DNAJC13: variants seen among roughly 807,000 people sequenced by gnomAD.
DNAJC13 encodes DnaJ heat shock protein family (Hsp40) member C13, also known as dnaJ homolog subfamily C member 13.
DNAJC13 carries 75 observed loss-of-function variants against 290.5 expected under a neutral mutation model. The observed-to-expected ratio is 0.26, with a 90% confidence interval of 0.21 to 0.31. DNAJC13 has a LOEUF of 0.31. DNAJC13 is among the 10% of genes least tolerant of loss of function. The pLI is 1.00. For missense variants in DNAJC13, 2,260 were observed against 2,674.5 expected (o/e 0.85, Z 3.42); for synonymous variants, 862 against 892.0 (o/e 0.97, Z 0.60).
intron 39 of DNAJC13, 90 bp downstream of exon 39, chr3:132,501,003 T>C: frequency 1.4e-6 from 2 of 1,438,666 alleles, no homozygotes; most frequent in South Asian, 2.7e-5. Flanking sequence ...CACATTGTTT[T>C]CCCAAAGTTA....
intron 1 of DNAJC13, among the ~76,000 whole-genome samples, chr3:132,427,554 A>G (rs995006605): frequency 2.6e-5 from 4 of 152,230 alleles, no homozygotes; most frequent in African/African-American, 9.6e-5. Flanking sequence ...TAAGAAATAT[A>G]TATTGTTATA....
chr3:132,441,630 G>A (rs1160070034), intron 2 of DNAJC13, among the ~76,000 whole-genome samples: 1 of 152,106 alleles, frequency 6.6e-6, no homozygotes, highest in South Asian at 2.1e-4. Flanking sequence ...AACTTTCTCA[G>A]TTTACAAAAA....
chr3:132,457,493 G>C, intron 13 of DNAJC13, 125 bp downstream of exon 13: 1 of 756,200 alleles, frequency 1.3e-6, no homozygotes, highest in South Asian at 1.9e-5. Context: ...TGTTCTCATA[G>C]TTACTCAAAC....
chr3:132,461,450 T>G lies in DNAJC13; in HGVS notation c.1713+245T>G, dbSNP rs73860738. On this transcript the variant is annotated intron_variant, in intron 15 of 55. Transcript: ENST00000260818. The stretch of plus-strand genomic sequence containing the variant: ...TGTTTTTAAGAAAGTTTAAGATTTG[T>G]GTTGGGCTACACTCAAAGCCATCCT... Among the ~76,000 whole-genome samples, 1,339 of 152,284 alleles carry G rather than the reference T, an allele frequency of 8.8e-3. 12 individuals are homozygous for G. The highest frequency in any genetic ancestry group is 0.031 in the African/African-American group (1,269 of 41,560).
At position 132,492,325 on chromosome 3, in the gene DNAJC13, C is replaced by T. The variant is rs192791235; in HGVS notation, c.3624-89C>T. ...TCATTGAGTTATTCTATAGATGATT[C>T]ATGTAACTATCTTACATGATTATGT... On this transcript the variant is annotated intron_variant, in intron 32 of 55. Transcript: ENST00000260818. 11,886 of 1,297,252 alleles carry T rather than the reference C, an allele frequency of 9.2e-3. 83 individuals carry two copies. Among genetic ancestry groups the T allele is most frequent in the Non-Finnish European group, 0.011 (9,771 of 916,198 alleles). The allele number at this position is 1,297,252 out of a possible 1,614,324, so 80.4% of individuals were successfully genotyped here.
At chr3:132,538,107 T>C in intron 55 of DNAJC13, 69 bp from the exon 56 acceptor site, 1 of 1,346,774 alleles carries the variant, frequency 7.4e-7, no homozygotes, top group East Asian at 2.3e-5. Context: ...GGTTCTGACA[T>C]TTTTATAAAG....
rs56384308 is a variant in DNAJC13, at chr3:132,460,551, T to C, written c.1557+194T>C. On this transcript the variant is annotated intron_variant, in intron 14 of 55. Transcript: ENST00000260818. ...ACTATATCCATTCACCTGGGAAGGA[T>C]AGATGTCAAAGCCTTTAGATTTTCA... 0.052 allele frequency among the ~76,000 whole-genome samples: 7,954 copies of C among 152,114 alleles called. 421 individuals are homozygous for C. The highest frequency in any genetic ancestry group is 0.14 in the African/African-American group (5,671 of 41,478).
chr3:132,492,678 G>T, intron 33 of DNAJC13, 63 bp downstream of exon 33: 1 of 1,453,246 alleles, frequency 6.9e-7, no homozygotes, highest in Non-Finnish European at 9.5e-7. Flanking sequence ...ACACTTCTGG[G>T]TATTTTGTCC....
intron 16 of DNAJC13, among the ~76,000 whole-genome samples, chr3:132,462,850 T>A (rs933892324): frequency 5.9e-5 from 9 of 152,226 alleles, no homozygotes; most frequent in Non-Finnish European, 2.9e-5. Flanking sequence ...CTTGAGATAC[T>A]GAGCTTGTAT....
intron 15 of DNAJC13, 22 bp from the exon 16 acceptor site, chr3:132,462,445 C>CT (rs756845866): frequency 1.1e-5 from 18 of 1,601,648 alleles, no homozygotes; most frequent in Non-Finnish European, 1.4e-5. Flanking sequence ...TTTTTTGATA[C>CT]TTTTTCCCCC....
intron 55 of DNAJC13, among the ~76,000 whole-genome samples, chr3:132,535,834 A>C (rs1368823304): frequency 2.6e-5 from 4 of 152,164 alleles, no homozygotes; most frequent in Non-Finnish European, 4.4e-5. Flanking sequence ...TATTCTGTGC[A>C]AATGACCAGG....
In DNAJC13 at chr3:132,454,114, G is replaced by T; in HGVS notation, c.889G>T (p.Glu297Ter). ...AGAAAATCCACAACTTTTTACCATT[G>T]AATTTATAAAAGGGCAAGTACGGAA... ...DSENPQLFTI[E>*]FIKGQVRKYS... Residue 297 changes from glutamate (E) to a stop codon, truncating the protein, a stop_gained, in exon 9 of 56, where the codon GAA becomes TAA. Transcript: ENST00000260818. LOFTEE classifies it high-confidence loss of function. 6.2e-7 allele frequency: 1 copy of T among 1,606,574 alleles called. No individual in the cohort carries two copies.
intron 36 of DNAJC13, among the ~76,000 whole-genome samples, chr3:132,498,799 T>C (rs1935317646): frequency 6.6e-6 from 1 of 152,066 alleles, no homozygotes; most frequent in South Asian, 2.1e-4. Flanking sequence ...CACTGCAAGC[T>C]CCACCTCCCG....
intron 54 of DNAJC13, 79 bp downstream of exon 54, chr3:132,528,411 A>G (rs1936324358): frequency 6.5e-7 from 1 of 1,526,738 alleles, no homozygotes; most frequent in Non-Finnish European, 8.9e-7. Context: ...CCTGTGTTCA[A>G]GTTCCACTTA....
intron 19 of DNAJC13, among the ~76,000 whole-genome samples, chr3:132,466,799 G>A (rs923372223): frequency 6.6e-6 from 1 of 152,012 alleles, no homozygotes; most frequent in African/African-American, 2.4e-5. Context: ...TTATAGGTAG[G>A]GTTTTTTTCC....
intron 54 of DNAJC13, among the ~76,000 whole-genome samples, chr3:132,529,654 GC>G (rs909685194): frequency 6.6e-6 from 1 of 152,070 alleles, no homozygotes; most frequent in Non-Finnish European, 1.5e-5. Flanking sequence ...AGGCGTGGTG[GC>G]AGGCGCCTGT....
chr3:132,457,904 T>G (rs948694640), intron 13 of DNAJC13: 2 of 152,274 alleles, frequency 1.3e-5, no homozygotes, highest in Non-Finnish European at 2.9e-5. Flanking sequence ...TAGAGATGTA[T>G]GCAGACAGTA....
chr3:132,420,655 A>G (rs1186363288), intron 1 of DNAJC13, among the ~76,000 whole-genome samples: 1 of 152,206 alleles, frequency 6.6e-6, no homozygotes, highest in Non-Finnish European at 1.5e-5. Context: ...AACACAAAGA[A>G]TCAAACAGGC....
chr3:132,528,068 A>T, intron 53 of DNAJC13, 121 bp from the exon 54 acceptor site: 1 of 1,002,848 alleles, frequency 1.0e-6, no homozygotes, highest in Non-Finnish European at 1.5e-6. Flanking sequence ...AAGCCTGTGT[A>T]TGGCATTAAA....
Sources: allele counts gnomAD v4.1 joint callset (sites outside exome capture counted in the v4.1 genomes callset), GRCh38; gene constraint gnomAD v4.1.1; transcripts MANE v1.5; gene names NCBI Gene and HGNC (gene_info 2026-07-23, HGNC 2026-07-21).